The following TIMELESS variants were observed in gnomAD, a reference collection of about 807,000 sequenced individuals.
TIMELESS encodes protein timeless homolog.
A neutral mutation model predicts 164.3 loss-of-function variants in TIMELESS; 124 were observed. That is an observed-to-expected ratio of 0.75 (90% CI 0.65 to 0.88). The LOEUF (loss-of-function observed/expected upper bound fraction) is 0.88, where lower values mean the gene tolerates loss of function less well. Ranked by LOEUF, TIMELESS falls within the 40% of genes least tolerant of loss-of-function variation. TIMELESS has a pLI of 0.00. For synonymous variants in TIMELESS, 564 were observed against 563.4 expected (o/e 1.00, Z -0.02); for missense variants, 1,422 against 1,491.4 (o/e 0.95, Z 0.77).
chr12:56,433,890 T>G lies in TIMELESS; in HGVS notation c.134A>C (p.Glu45Ala), dbSNP rs1881981547. 1 of 1,614,192 alleles carries G rather than the reference T, an allele frequency of 6.2e-7. No individual in the cohort carries two copies. The highest frequency in any genetic ancestry group is 8.5e-7 in the Non-Finnish European group (1 of 1,180,030). ...CTGCCGCACATCTCGTGTCTCATCCTCATGCCTCAAATAGCGGATCAGATC... is the reference window on the plus strand; with the variant it reads ...CTGCCGCACATCTCGTGTCTCATCCGCATGCCTCAAATAGCGGATCAGATC... ...VKDLIRYLRH[E>A]DETRDVRQQL... Residue 45 changes from glutamate to alanine, a missense_variant, in exon 3 of 29, where the codon GAG becomes GCG. Glu to Ala is a moderately radical substitution (Grantham distance 107). Coordinates refer to ENST00000553532, the MANE Select transcript of TIMELESS (RefSeq NM_003920.5).
Position 56,433,549 on chromosome 12 carries a change from C to T in TIMELESS, c.355G>A (p.Ala119Thr), listed in dbSNP as rs1231422884. 1 of 1,614,226 alleles carries T rather than the reference C, an allele frequency of 6.2e-7. No homozygotes were observed. The highest frequency in any genetic ancestry group is 8.5e-7 in the Non-Finnish European group (1 of 1,180,040). Residue 119 changes from alanine to threonine, a missense_variant, in exon 4 of 29, where the codon GCC (alanine) becomes ACC (threonine). Physicochemically the swap from Ala to Thr is moderately conservative, Grantham distance 58. Transcript: ENST00000553532. ...HFLQVLTYLQ[A>T]YKEAFASEKA... ...AAGGAAATCCTCACCTCTTTGTAGG[C>T]CTGCAAATAAGTTAGCACCTGCAAA...
Position 56,424,680 on chromosome 12 carries a change from T to C in TIMELESS, c.1868+82A>G, listed in dbSNP as rs914378967. 12 of 1,514,262 alleles carry C rather than the reference T, an allele frequency of 7.9e-6. No individual in the cohort carries two copies. The East Asian group carries it at 2.0e-4, about 26-fold the overall frequency. The allele number at this position is 1,514,262 out of a possible 1,614,324, so 93.8% of individuals were successfully genotyped here. On this transcript the variant is annotated intron_variant, in intron 15 of 28. Coordinates refer to ENST00000553532, the MANE Select transcript of TIMELESS (RefSeq NM_003920.5). ...AGAGCCTTGATGAGACAACTCTCTT[T>C]TGAAGACTGAGAACACTGTACCGCA...
chr12:56,422,669 C>T (rs1033596633), intron 19 of TIMELESS, among the ~76,000 whole-genome samples, 178 bp downstream of exon 19: 1 of 152,172 alleles, frequency 6.6e-6, no homozygotes. Flanking sequence ...CCAGTCCCTG[C>T]TCCTCTCTTG....
intron 1 of TIMELESS, among the ~76,000 whole-genome samples, chr12:56,441,740 G>C (rs960515436): frequency 7.3e-5 from 11 of 151,548 alleles, no homozygotes; most frequent in Non-Finnish European, 1.2e-4. Flanking sequence ...AACCTTCCTG[G>C]CAAAAGATAG....
At chr12:56,426,673 C>A (rs1881689359) in intron 13 of TIMELESS, among the ~76,000 whole-genome samples, 1 of 152,152 alleles carries the variant, frequency 6.6e-6, no homozygotes, top group South Asian at 2.1e-4. Context: ...GATTCTCCCA[C>A]TTCAGCCTCC....
At position 56,430,867 on chromosome 12, in the gene TIMELESS, G is replaced by A. The variant is rs757286743; in HGVS notation, c.909+14C>T. On this transcript the variant is annotated intron_variant, in intron 9 of 28. Transcript: ENST00000553532. ...ACTCCACTATGTTCCCACTCCAGAT[G>A]TAAGAATACTCACGTTGTGAAGGCC... 1.9e-6 allele frequency: 3 copies of A among 1,554,398 alleles called. No homozygotes were observed. The highest frequency in any genetic ancestry group is 4.7e-5 in the East Asian group (2 of 42,788).
chr12:56,441,440 A>G (rs1432837078), intron 1 of TIMELESS, among the ~76,000 whole-genome samples: 3 of 151,860 alleles, frequency 2.0e-5, no homozygotes, highest in African/African-American at 4.8e-5. Flanking sequence ...TGGGCAACAT[A>G]GCGAAGCCCA....
chr12:56,419,522 G>A (rs919134543), intron 26 of TIMELESS, among the ~76,000 whole-genome samples: 1 of 150,664 alleles, frequency 6.6e-6, no homozygotes, highest in Non-Finnish European at 1.5e-5. Context: ...TTCCAATAGA[G>A]GGACTGGCAT....
intron 26 of TIMELESS, 62 bp downstream of exon 26, chr12:56,420,507 A>C: frequency 6.1e-6 from 8 of 1,316,174 alleles, no homozygotes; most frequent in South Asian, 1.2e-5. Flanking sequence ...GAGGAGGAGG[A>C]GGAGATGTAT....
chr12:56,439,204 A>G (rs951795630), intron 1 of TIMELESS, among the ~76,000 whole-genome samples: 13 of 149,808 alleles, frequency 8.7e-5, no homozygotes, highest in African/African-American at 2.7e-4. Context: ...AAAGAAGCCA[A>G]ACACAAAAGG....
intron 6 of TIMELESS, among the ~76,000 whole-genome samples, 157 bp from the exon 7 acceptor site, chr12:56,432,681 A>G (rs951866330): frequency 6.6e-6 from 1 of 152,112 alleles, no homozygotes; most frequent in African/African-American, 2.4e-5. Context: ...GCGGTGGCTC[A>G]CGCCTGTAAT....
chr12:56,418,355 G>A lies in TIMELESS; in HGVS notation c.3233C>T (p.Thr1078Ile). The change falls in exon 27 of 29, where the codon ACC becomes ATC. Residue 1078 changes from threonine to isoleucine, a missense_variant. Transcript: ENST00000553532. ...GVRPPASGQE[T>I]FWRIPAKLSP... ...CAGCTTGGCTGGAATTCGCCAGAAG[G>A]TTTCCTACAGGGGCCAAAAAGTTGA... 1.2e-6 allele frequency: 2 copies of A among 1,604,092 alleles called. No individual in the cohort carries two copies. Among genetic ancestry groups the A allele is most frequent in the Non-Finnish European group, 1.7e-6 (2 of 1,175,826 alleles).
At chr12:56,437,021 C>T (rs561785685) in intron 1 of TIMELESS, among the ~76,000 whole-genome samples, 154 of 151,830 alleles carry the variant, frequency 1.0e-3, no homozygotes, top group African/African-American at 3.4e-3. Flanking sequence ...ACCTGTGCCT[C>T]CCAGGTTTAA....
rs1029852382 is a variant in TIMELESS at position 56,429,021 on chromosome 12, T to C, written c.1166A>G (p.Asn389Ser). 6.2e-7 allele frequency: 1 copy of C among 1,614,124 alleles called. No individual in the cohort carries two copies. Among genetic ancestry groups the C allele is most frequent in the Non-Finnish European group, 8.5e-7 (1 of 1,180,028 alleles). Reference sequence around the variant, plus strand: ...GCCTGGCCGGAAGGAGGCAGCTCGGTTGAAGGCCATGAAGAAAGCCAAGGC... The same window carrying C: ...GCCTGGCCGGAAGGAGGCAGCTCGGCTGAAGGCCATGAAGAAAGCCAAGGC... The part of the protein sequence containing the change: ...MWALAFFMAF[N>S]RAASFRPGLV... Residue 389 changes from asparagine (N) to serine (S), a missense_variant, in exon 11 of 29, where the codon AAC becomes AGC. By Grantham distance (46) the Asn-to-Ser change is conservative. Transcript: ENST00000553532.
intron 26 of TIMELESS, 21 bp downstream of exon 26, chr12:56,420,546 GAC>G (rs1881432748): frequency 6.2e-7 from 1 of 1,601,770 alleles, no homozygotes; most frequent in East Asian, 2.2e-5. Flanking sequence ...CGCCTTGGTT[GAC>G]ACTGTAACTG....
At chr12:56,442,208 G>A (rs923214211) in intron 1 of TIMELESS, among the ~76,000 whole-genome samples, 1 of 151,760 alleles carries the variant, frequency 6.6e-6, no homozygotes, top group Non-Finnish European at 1.5e-5. Context: ...TAAAAAACTA[G>A]TACTCTTTTC....
chr12:56,434,127 C>T lies in TIMELESS; in HGVS notation c.44G>A (p.Ser15Asn). 6.2e-7 allele frequency: 1 copy of T among 1,614,188 alleles called. No homozygotes were observed. The highest frequency in any genetic ancestry group is 1.1e-5 in the South Asian group (1 of 91,080). ...GTCTCCCTCCAAGTACCCAAGGGCACTACATGTGGCTAGAAGTTCACAGTT... is the reference window on the plus strand; with the variant it reads ...GTCTCCCTCCAAGTACCCAAGGGCATTACATGTGGCTAGAAGTTCACAGTT... ...MMNCELLATC[S>N]ALGYLEGDTY... The change falls in exon 2 of 29, where the codon AGT becomes AAT. Residue 15 changes from serine to asparagine, a missense_variant. Transcript: ENST00000553532.
Position 56,423,538 on chromosome 12 carries a change from C to T in TIMELESS, c.2090+46G>A, listed in dbSNP as rs144746853. The T allele has an allele frequency of 7.4e-6, 12 of 1,612,798 alleles. No individual in the cohort carries two copies. In the African/African-American group the frequency reaches 8.0e-5, roughly 11 times the overall value. ...GGAAGACATAGCTCATCCTCACAGC[C>T]GCACAATCGCCACTCTAGGACCAAC... On this transcript the variant is annotated intron_variant, in intron 17 of 28. Coordinates refer to ENST00000553532, the MANE Select transcript of TIMELESS (RefSeq NM_003920.5).
intron 13 of TIMELESS, among the ~76,000 whole-genome samples, chr12:56,426,888 CTG>C (rs1309423631): frequency 6.6e-6 from 1 of 152,052 alleles, no homozygotes; most frequent in Non-Finnish European, 1.5e-5. Flanking sequence ...AGCAAAGTCT[CTG>C]TGTTTCCAGG....
Sources: allele counts gnomAD v4.1 joint callset (sites outside exome capture counted in the v4.1 genomes callset), GRCh38; gene constraint gnomAD v4.1.1; transcripts MANE v1.5; gene names NCBI Gene and HGNC (gene_info 2026-07-23, HGNC 2026-07-21).